Variants in CDH13 observed in about 807,000 individuals in gnomAD.
CDH13 encodes cadherin 13.
In CDH13, 24 loss-of-function variants were observed where a neutral mutation model predicts 63.8. That is an observed-to-expected ratio of 0.38 (90% CI 0.27 to 0.53). The LOEUF is 0.53. Ranked by LOEUF, CDH13 falls within the 20% of genes least tolerant of loss-of-function variation. The probability of loss-of-function intolerance (pLI) is 0.85; values close to 1 mark genes in which losing one functional copy is unlikely to be tolerated. For missense variants in CDH13, 1,049 were observed against 903.1 expected (o/e 1.16, Z -2.07); for synonymous variants, 503 against 355.3 (o/e 1.42, Z -4.67).
intron 2 of CDH13, among the ~76,000 whole-genome samples, chr16:83,009,445 G>A (rs897799430): frequency 7.9e-5 from 12 of 152,110 alleles, no homozygotes; most frequent in Admixed American, 3.3e-4. Flanking sequence ...CTATGTAATG[G>A]ATGCTTTACA....
chr16:83,113,912 G>C (rs538874907), intron 3 of CDH13, among the ~76,000 whole-genome samples: 3 of 152,144 alleles, frequency 2.0e-5, no homozygotes, highest in African/African-American at 4.8e-5. Context: ...AAACCCAGAG[G>C]CTTCATCCTT....
At chr16:83,666,822 TAC>T (rs773626268) in intron 8 of CDH13, among the ~76,000 whole-genome samples, 3 of 85,260 alleles carry the variant, frequency 3.5e-5, no homozygotes, top group East Asian at 7.0e-4. Context: ...CCTCCACACA[TAC>T]ACACACACAC....
intron 4 of CDH13, among the ~76,000 whole-genome samples, chr16:83,166,185 C>G (rs956009408): frequency 7.9e-5 from 12 of 152,092 alleles, no homozygotes; most frequent in African/African-American, 2.9e-4. Flanking sequence ...TAGCTGATCC[C>G]TGTCATTAAG....
intron 4 of CDH13, among the ~76,000 whole-genome samples, chr16:83,146,056 A>C (rs1457804723): frequency 6.6e-6 from 1 of 152,050 alleles, no homozygotes; most frequent in Non-Finnish European, 1.5e-5. Context: ...TTAGCCAGAC[A>C]TGGTGGCAGC....
intron 5 of CDH13, among the ~76,000 whole-genome samples, chr16:83,270,146 C>T (rs1054132893): frequency 6.6e-6 from 1 of 152,100 alleles, no homozygotes; most frequent in Admixed American, 6.5e-5. Context: ...TTTCTTTATA[C>T]ACTGTTACAC....
At chr16:83,709,986 C>T (rs942632495) in intron 10 of CDH13, among the ~76,000 whole-genome samples, 2 of 152,200 alleles carry the variant, frequency 1.3e-5, no homozygotes, top group East Asian at 1.9e-4. Context: ...AAAAAATGGC[C>T]TATTTTTAGA....
chr16:83,483,721 A>T (rs1249423642), intron 6 of CDH13, among the ~76,000 whole-genome samples: 1 of 152,158 alleles, frequency 6.6e-6, no homozygotes, highest in Non-Finnish European at 1.5e-5. Flanking sequence ...TCCCTTTAGC[A>T]TGTCCCTGGG....
At chr16:83,065,647 G>T (rs1038218260) in intron 3 of CDH13, among the ~76,000 whole-genome samples, 1 of 151,424 alleles carries the variant, frequency 6.6e-6, no homozygotes. Flanking sequence ...AGAGGTTGCA[G>T]TGAGCCAAGA....
At chr16:83,579,854 G>C (rs1156897657) in intron 7 of CDH13, among the ~76,000 whole-genome samples, 1 of 152,022 alleles carries the variant, frequency 6.6e-6, no homozygotes. Context: ...TGGACTCCCA[G>C]TTAGACAGGG....
At chr16:83,743,359 C>T (rs1297315249) in intron 10 of CDH13, among the ~76,000 whole-genome samples, 2 of 152,050 alleles carry the variant, frequency 1.3e-5, no homozygotes, top group Non-Finnish European at 2.9e-5. Context: ...CCTGGCTTTC[C>T]CTGGAAATGT....
intron 6 of CDH13, among the ~76,000 whole-genome samples, chr16:83,437,898 C>T (rs189915883): frequency 4.5e-4 from 68 of 152,198 alleles, no homozygotes; most frequent in African/African-American, 1.6e-3. Context: ...TCCAAGATGG[C>T]CAGTTATCGC....
chr16:82,788,977 G>T (rs915504319), intron 1 of CDH13, among the ~76,000 whole-genome samples: 2 of 152,188 alleles, frequency 1.3e-5, no homozygotes, highest in Admixed American at 1.3e-4. Context: ...CCCCTACTAG[G>T]CCGTTAGTCA....
chr16:83,326,608 C>T (rs1237950443), intron 5 of CDH13, among the ~76,000 whole-genome samples: 1 of 152,074 alleles, frequency 6.6e-6, no homozygotes, highest in East Asian at 1.9e-4. Flanking sequence ...CTGGTAGTGG[C>T]ATGCTTGCTG....
At chr16:82,844,138 A>C (rs1368479175) in intron 1 of CDH13, among the ~76,000 whole-genome samples, 3 of 152,174 alleles carry the variant, frequency 2.0e-5, no homozygotes, top group African/African-American at 7.2e-5. Context: ...TCACAAGCTT[A>C]CAGAAGGGAA....
intron 2 of CDH13, among the ~76,000 whole-genome samples, chr16:82,897,008 C>G (rs553562652): frequency 2.5e-4 from 26 of 105,834 alleles, no homozygotes; most frequent in African/African-American, 7.8e-4. Flanking sequence ...GTCTCAGTAT[C>G]CTGACCTCGT....
At chr16:83,179,481 TAAAAAAA>T (rs565547312) in intron 4 of CDH13, among the ~76,000 whole-genome samples, 2 of 69,092 alleles carry the variant, frequency 2.9e-5, no homozygotes, top group African/African-American at 7.0e-5. Context: ...CCGTCTCTAC[TAAAAAAA>T]AAAAAAAAAA....
At chr16:83,301,188 C>T (rs1356485919) in intron 5 of CDH13, among the ~76,000 whole-genome samples, 3 of 151,830 alleles carry the variant, frequency 2.0e-5, no homozygotes, top group East Asian at 3.9e-4. Flanking sequence ...CCCACCACCA[C>T]GCCCGGCTAA....
At chr16:83,694,566 G>A (rs1043955855) in intron 10 of CDH13, among the ~76,000 whole-genome samples, 10 of 152,320 alleles carry the variant, frequency 6.6e-5, no homozygotes, top group South Asian at 2.1e-4. Flanking sequence ...TGTGAGGATG[G>A]GTGCTTATGA....
intron 3 of CDH13, among the ~76,000 whole-genome samples, chr16:83,036,232 C>G (rs536619318): frequency 6.6e-6 from 1 of 150,446 alleles, no homozygotes; most frequent in East Asian, 2.0e-4. Context: ...TCACTGCAAC[C>G]TCCACCTCCT....
Sources: gnomAD v4.1 joint callset for allele counts (sites outside exome capture counted in the v4.1 genomes callset) on GRCh38, gnomAD v4.1.1 for gene constraint, MANE v1.5 for transcripts, NCBI Gene and HGNC (gene_info 2026-07-23, HGNC 2026-07-21) for gene names.